SGCZ: variants seen among roughly 807,000 people sequenced by gnomAD.
The protein encoded by SGCZ is zeta-sarcoglycan.
SGCZ carries 40 observed loss-of-function variants against 41.3 expected under a neutral mutation model. That is an observed-to-expected ratio of 0.97 (90% CI 0.75 to 1.26). The LOEUF (loss-of-function observed/expected upper bound fraction) is 1.26. SGCZ is among the 50% of genes most tolerant of loss of function. SGCZ has a pLI of 0.00. For missense variants in SGCZ, 552 were observed against 369.8 expected, an observed-to-expected ratio of 1.49 and a Z score of -4.04; for synonymous variants, 206 against 137.5, an observed-to-expected ratio of 1.50 and a Z score of -3.49.
At chr8:14,816,268 T>A (rs934208797) in intron 1 of SGCZ, among the ~76,000 whole-genome samples, 5 of 152,244 alleles carry the variant, frequency 3.3e-5, no homozygotes, top group African/African-American at 1.2e-4. Context: ...TCTACAGCTC[T>A]TCAACGTATT....
chr8:14,500,997 A>G (rs145520295), intron 2 of SGCZ, among the ~76,000 whole-genome samples: 12 of 141,298 alleles, frequency 8.5e-5, no homozygotes, highest in African/African-American at 3.1e-4. Context: ...TAAAACCACA[A>G]ATTTATTATC....
intron 1 of SGCZ, among the ~76,000 whole-genome samples, chr8:14,617,514 T>A (rs967196666): frequency 1.3e-5 from 2 of 152,180 alleles, no homozygotes; most frequent in Non-Finnish European, 2.9e-5. Context: ...ATGTTGAGAT[T>A]TATAATGCCG....
intron 1 of SGCZ, among the ~76,000 whole-genome samples, chr8:15,176,977 G>C (rs1800018075): frequency 6.6e-6 from 1 of 151,896 alleles, no homozygotes; most frequent in African/African-American, 2.4e-5. Flanking sequence ...CTCCAGCCTG[G>C]GCAACAGAGC....
intron 1 of SGCZ, among the ~76,000 whole-genome samples, chr8:14,685,728 A>G (rs1039686637): frequency 6.6e-6 from 1 of 151,686 alleles, no homozygotes; most frequent in African/African-American, 2.4e-5. Flanking sequence ...TTTTATGCAA[A>G]GTAAAATGTA....
At chr8:14,102,222 A>T (rs536003921) in intron 7 of SGCZ, among the ~76,000 whole-genome samples, 154 bp downstream of exon 7, 15 of 151,472 alleles carry the variant, frequency 9.9e-5, no homozygotes, top group Non-Finnish European at 1.9e-4. Flanking sequence ...TGAATATGAG[A>T]TATGGTAACC....
intron 1 of SGCZ, among the ~76,000 whole-genome samples, chr8:14,942,911 G>A (rs1470527773): frequency 2.6e-5 from 4 of 151,986 alleles, no homozygotes; most frequent in Non-Finnish European, 5.9e-5. Context: ...ACTGACAGTA[G>A]GCTATATTGC....
chr8:14,791,841 G>T (rs1457057282), intron 1 of SGCZ, among the ~76,000 whole-genome samples: 1 of 152,146 alleles, frequency 6.6e-6, no homozygotes, highest in Non-Finnish European at 1.5e-5. Flanking sequence ...TAAAAATTAG[G>T]CAATAATAAA....
At chr8:14,696,377 T>C (rs910997207) in intron 1 of SGCZ, among the ~76,000 whole-genome samples, 1 of 152,094 alleles carries the variant, frequency 6.6e-6, no homozygotes, top group Non-Finnish European at 1.5e-5. Context: ...ATTGCAAGCA[T>C]GGCAGAGCGA....
chr8:14,204,047 G>A (rs1338211205), intron 4 of SGCZ, among the ~76,000 whole-genome samples: 1 of 152,078 alleles, frequency 6.6e-6, no homozygotes, highest in Non-Finnish European at 1.5e-5. Flanking sequence ...CCTGGTGCAT[G>A]TTGGAAATGC....
intron 1 of SGCZ, among the ~76,000 whole-genome samples, chr8:14,616,264 C>G (rs1042044145): frequency 2.1e-5 from 3 of 145,264 alleles, no homozygotes; most frequent in African/African-American, 7.7e-5. Context: ...ACCTGGGCCA[C>G]AGAGCGAGAC....
At chr8:14,152,540 A>C (rs1229164336) in intron 5 of SGCZ, among the ~76,000 whole-genome samples, 2 of 152,216 alleles carry the variant, frequency 1.3e-5, no homozygotes, top group African/African-American at 4.8e-5. Context: ...TTATCATATG[A>C]CAACACCAGA....
chr8:15,025,381 AAAT>A (rs935206880), intron 1 of SGCZ, among the ~76,000 whole-genome samples: 24 of 152,274 alleles, frequency 1.6e-4, no homozygotes, highest in African/African-American at 5.1e-4. Flanking sequence ...CTCTTTTTTA[AAAT>A]AATAAATTTC....
intron 1 of SGCZ, among the ~76,000 whole-genome samples, chr8:14,723,135 C>G (rs1281695969): frequency 6.6e-6 from 1 of 152,100 alleles, no homozygotes; most frequent in Non-Finnish European, 1.5e-5. Context: ...GATGGCCGAC[C>G]AGACGCACCA....
chr8:15,217,774 T>C (rs1801460269), intron 1 of SGCZ, among the ~76,000 whole-genome samples: 1 of 152,192 alleles, frequency 6.6e-6, no homozygotes, highest in Non-Finnish European at 1.5e-5. Flanking sequence ...CAAAGCAATG[T>C]GATAGCAATA....
At chr8:14,986,150 G>C (rs1585439374) in intron 1 of SGCZ, among the ~76,000 whole-genome samples, 2 of 151,800 alleles carry the variant, frequency 1.3e-5, no homozygotes, top group African/African-American at 4.8e-5. Flanking sequence ...GTAAATATGT[G>C]AACAATATAT....
chr8:14,915,694 G>T (rs562775987), intron 1 of SGCZ, among the ~76,000 whole-genome samples: 1 of 152,060 alleles, frequency 6.6e-6, no homozygotes, highest in Non-Finnish European at 1.5e-5. Context: ...TGTTCCCTTC[G>T]TAGTAAATCA....
At chr8:14,128,292 A>G (rs1391766112) in intron 5 of SGCZ, among the ~76,000 whole-genome samples, 2 of 152,208 alleles carry the variant, frequency 1.3e-5, no homozygotes, top group African/African-American at 2.4e-5. Flanking sequence ...CCAACAAACC[A>G]TGTTGAAAAA....
intron 1 of SGCZ, among the ~76,000 whole-genome samples, chr8:15,061,206 T>C (rs559040432): frequency 6.6e-6 from 1 of 152,230 alleles, no homozygotes; most frequent in South Asian, 2.1e-4. Context: ...TCAGAGGTGA[T>C]TAAGTCATGA....
intron 1 of SGCZ, among the ~76,000 whole-genome samples, chr8:14,808,365 G>A (rs568382976): frequency 1.3e-5 from 2 of 152,090 alleles, no homozygotes; most frequent in Middle Eastern, 3.4e-3. Context: ...AATCTACGAT[G>A]AACTCAAACA....
Sources: allele counts gnomAD v4.1 joint callset (sites outside exome capture counted in the v4.1 genomes callset), GRCh38; gene constraint gnomAD v4.1.1; transcripts MANE v1.5; gene names NCBI Gene and HGNC (gene_info 2026-07-23, HGNC 2026-07-21).